CDKAL1: variants seen among roughly 807,000 people sequenced by gnomAD.
CDKAL1 encodes the protein threonylcarbamoyladenosine tRNA methylthiotransferase.
Under a neutral mutation model 68.2 loss-of-function variants are expected in CDKAL1, and 32 were observed. That is an observed-to-expected ratio of 0.47 (90% CI 0.35 to 0.63). The LOEUF is 0.63. Ranked by LOEUF, CDKAL1 falls within the 30% of genes least tolerant of loss-of-function variation. The pLI is 0.00. For missense variants in CDKAL1, 606 were observed against 696.7 expected, an observed-to-expected ratio of 0.87 and a Z score of 1.47; for synonymous variants, 234 against 244.3, an observed-to-expected ratio of 0.96 and a Z score of 0.39.
At chr6:20,897,180 G>C (rs149306332) in intron 9 of CDKAL1, among the ~76,000 whole-genome samples, 11 of 152,190 alleles carry the variant, frequency 7.2e-5, no homozygotes, top group African/African-American at 2.6e-4. Flanking sequence ...AAGGACACTA[G>C]TCCCATTCCT....
chr6:20,580,181 A>G (rs1196899742), intron 4 of CDKAL1, among the ~76,000 whole-genome samples: 2 of 152,136 alleles, frequency 1.3e-5, no homozygotes, highest in Non-Finnish European at 2.9e-5. Flanking sequence ...GATTGGGCAC[A>G]CCTGCAGTAG....
chr6:20,835,523 T>TGTCTTGTC (rs1554128414), intron 8 of CDKAL1, among the ~76,000 whole-genome samples: 2 of 145,128 alleles, frequency 1.4e-5, no homozygotes, highest in Non-Finnish European at 3.0e-5. Context: ...TGTCTTGTCT[T>TGTCTTGTC]TTGTCTTGTC....
chr6:21,198,796 A>T (rs1331166266), intron 14 of CDKAL1, among the ~76,000 whole-genome samples: 1 of 152,200 alleles, frequency 6.6e-6, no homozygotes, highest in Non-Finnish European at 1.5e-5. Flanking sequence ...TTGCCCACCG[A>T]GGAGCCTGAC....
intron 4 of CDKAL1, among the ~76,000 whole-genome samples, chr6:20,613,923 C>T (rs1766767208): frequency 6.6e-6 from 1 of 152,120 alleles, no homozygotes; most frequent in African/African-American, 2.4e-5. Flanking sequence ...ATGCTCCCAT[C>T]AACAACATAT....
chr6:20,649,216 C>A, intron 4 of CDKAL1, 77 bp from the exon 5 acceptor site: 1 of 937,094 alleles, frequency 1.1e-6, no homozygotes, highest in Non-Finnish European at 1.7e-6. Flanking sequence ...CCTACCGCAG[C>A]AATCCCAGTG....
At chr6:20,964,940 G>C (rs530971156) in intron 10 of CDKAL1, among the ~76,000 whole-genome samples, 5 of 152,206 alleles carry the variant, frequency 3.3e-5, no homozygotes, top group African/African-American at 1.2e-4. Flanking sequence ...GTTAATTTTC[G>C]TGAGAGGAAA....
chr6:20,684,193 G>T (rs567093300), intron 5 of CDKAL1, among the ~76,000 whole-genome samples: 1 of 152,158 alleles, frequency 6.6e-6, no homozygotes, highest in African/African-American at 2.4e-5. Context: ...TGTAATCCCC[G>T]CACTTTGGGA....
intron 9 of CDKAL1, among the ~76,000 whole-genome samples, chr6:20,909,183 GTA>G (rs1387389705): frequency 1.5e-3 from 65 of 42,984 alleles, no homozygotes; most frequent in Admixed American, 7.6e-3. Flanking sequence ...ATGTGTGCAT[GTA>G]TGTGTGTGTG....
chr6:21,150,100 C>T (rs548083950), intron 13 of CDKAL1, among the ~76,000 whole-genome samples: 151 of 151,930 alleles, frequency 9.9e-4, no homozygotes, highest in African/African-American at 3.4e-3. Flanking sequence ...CCTTGTGATC[C>T]GCCCGCCTCG....
chr6:20,566,269 G>C (rs1014284551), intron 4 of CDKAL1, among the ~76,000 whole-genome samples: 2 of 152,130 alleles, frequency 1.3e-5, no homozygotes, highest in Non-Finnish European at 2.9e-5. Flanking sequence ...TTGTAATAAT[G>C]TGCTAATTTA....
chr6:20,803,144 A>G (rs1776435619), intron 8 of CDKAL1, among the ~76,000 whole-genome samples: 1 of 152,224 alleles, frequency 6.6e-6, no homozygotes, highest in Non-Finnish European at 1.5e-5. Context: ...ATATGTGGGT[A>G]TACATTTGTG....
intron 8 of CDKAL1, among the ~76,000 whole-genome samples, chr6:20,839,105 G>GC (rs1778074443): frequency 6.7e-6 from 1 of 149,334 alleles, no homozygotes; most frequent in Non-Finnish European, 1.5e-5. Flanking sequence ...CCATTTTCTT[G>GC]CTTTTTTTTT....
chr6:21,204,892 G>T (rs1778834946), intron 15 of CDKAL1, among the ~76,000 whole-genome samples: 1 of 152,182 alleles, frequency 6.6e-6, no homozygotes, highest in African/African-American at 2.4e-5. Context: ...CCCATCTCCA[G>T]AACTTTCCAT....
At chr6:21,071,431 G>T (rs922098439) in intron 12 of CDKAL1, among the ~76,000 whole-genome samples, 19 of 152,168 alleles carry the variant, frequency 1.2e-4, no homozygotes, top group African/African-American at 4.6e-4. Context: ...ATGCGGAACT[G>T]TGAGCCAATT....
At chr6:21,059,194 TCTG>T (rs1256202567) in intron 11 of CDKAL1, among the ~76,000 whole-genome samples, 1 of 152,210 alleles carries the variant, frequency 6.6e-6, no homozygotes, top group African/African-American at 2.4e-5. Flanking sequence ...CTGGCCATGA[TCTG>T]CCACAGCCAC....
chr6:20,614,516 G>A (rs760059420), intron 4 of CDKAL1, among the ~76,000 whole-genome samples: 12 of 152,024 alleles, frequency 7.9e-5, no homozygotes, highest in Non-Finnish European at 1.3e-4. Flanking sequence ...CTTACTAAAT[G>A]TATTTGTATT....
intron 13 of CDKAL1, among the ~76,000 whole-genome samples, chr6:21,195,131 T>C (rs977988453): frequency 1.3e-5 from 2 of 152,132 alleles, no homozygotes; most frequent in South Asian, 4.2e-4. Context: ...ATCAAAGCCC[T>C]AGCCTTCCTA....
chr6:21,229,975 G>A (rs976769518), intron 15 of CDKAL1, among the ~76,000 whole-genome samples: 1 of 123,604 alleles, frequency 8.1e-6, no homozygotes, highest in Non-Finnish European at 2.0e-5. Context: ...TTCCCAACCT[G>A]TTCTCTATCT....
chr6:21,140,265 A>C (rs1409849563), intron 13 of CDKAL1, among the ~76,000 whole-genome samples: 1 of 152,200 alleles, frequency 6.6e-6, no homozygotes, highest in Non-Finnish European at 1.5e-5. Context: ...AAAGGAACCT[A>C]GGCTAGTAGT....
Sources: allele counts gnomAD v4.1 joint callset (sites outside exome capture counted in the v4.1 genomes callset), GRCh38; gene constraint gnomAD v4.1.1; transcripts MANE v1.5; gene names NCBI Gene and HGNC (gene_info 2026-07-23, HGNC 2026-07-21).